CD200: variants seen among roughly 807,000 people sequenced by gnomAD.
CD200 encodes OX-2 membrane glycoprotein.
Under a neutral mutation model 30.9 loss-of-function variants are expected in CD200, and 15 were observed. That is an observed-to-expected ratio of 0.49 (90% confidence interval 0.32 to 0.75). The LOEUF is 0.75. CD200 is among the 30% of genes least tolerant of loss of function. The pLI is 0.03. For missense variants in CD200, 262 were observed against 324.2 expected (o/e 0.81, Z 1.47); for synonymous variants, 134 against 126.2 (o/e 1.06, Z -0.41).
intron 2 of CD200, among the ~76,000 whole-genome samples, chr3:112,342,766 T>C (rs1431527147): frequency 6.6e-6 from 1 of 152,272 alleles, no homozygotes; most frequent in Non-Finnish European, 1.5e-5. Context: ...TATGTTCTCA[T>C]TGTCATTCAG....
chr3:112,347,443 C>T, intron 3 of CD200, 115 bp from the exon 4 acceptor site: 1 of 1,080,410 alleles, frequency 9.3e-7, no homozygotes, highest in Non-Finnish European at 1.4e-6. Flanking sequence ...GCCATGCTAT[C>T]TTTCTAGCCT....
Position 112,340,995 on chromosome 3 carries a change from C to G in CD200, c.94+12C>G. On this transcript the variant is annotated intron_variant, in intron 2 of 5. Transcript: ENST00000315711. ...GTGCACAGCACAAGGTAAAGAAACT[C>G]AATTCCCCTGCTTGGAGCCCAGCAA... 1 of 1,573,896 alleles carries G rather than the reference C, an allele frequency of 6.4e-7. No individual in the cohort carries two copies. The highest frequency in any genetic ancestry group is 8.7e-7 in the Non-Finnish European group (1 of 1,144,066).
chr3:112,358,417 G>T (rs755551310), intron 5 of CD200, among the ~76,000 whole-genome samples: 2 of 152,086 alleles, frequency 1.3e-5, no homozygotes, highest in Non-Finnish European at 2.9e-5. Flanking sequence ...CTAAAAACGT[G>T]CGTATACTGA....
intron 1 of CD200, among the ~76,000 whole-genome samples, chr3:112,339,252 A>G (rs1046416792): frequency 2.0e-5 from 3 of 152,244 alleles, no homozygotes; most frequent in Non-Finnish European, 4.4e-5. Context: ...GAGAAGGAAT[A>G]CTAAGCAGAA....
At chr3:112,349,615 T>C in intron 4 of CD200, 97 bp from the exon 5 acceptor site, 1 of 834,294 alleles carries the variant, frequency 1.2e-6, no homozygotes, top group South Asian at 2.2e-5. Context: ...CATATGTATG[T>C]ATTTAAGGAT....
intron 2 of CD200, among the ~76,000 whole-genome samples, chr3:112,342,397 CTT>C (rs1174655239): frequency 1.9e-5 from 1 of 53,574 alleles, no homozygotes; most frequent in Non-Finnish European, 3.6e-5. Context: ...TTCTTTCTTT[CTT>C]TCTTTCTTTC....
intron 5 of CD200, among the ~76,000 whole-genome samples, chr3:112,356,438 T>C (rs2081624886): frequency 1.3e-5 from 2 of 152,222 alleles, no homozygotes; most frequent in Non-Finnish European, 2.9e-5. Context: ...GTGGAATGGC[T>C]AAATCAAGCT....
intron 2 of CD200, among the ~76,000 whole-genome samples, chr3:112,342,423 T>C (rs1395845908): frequency 3.2e-5 from 3 of 93,032 alleles, no homozygotes; most frequent in Admixed American, 1.2e-4. Flanking sequence ...CTTTCTTTCT[T>C]TCTTTCTTCT....
In CD200 at chr3:112,341,488, C is replaced by T. The variant is rs78316630; in HGVS notation, c.94+505C>T. On this transcript the variant is annotated intron_variant, in intron 2 of 5. Coordinates refer to ENST00000315711, the MANE Select transcript of CD200 (RefSeq NM_005944.7). ...TTATCTACCGAAGTTCCTAGCTCTTCCTCCTCAGTTCCTTGGGAGGCCACA... is the reference window on the plus strand; with the variant it reads ...TTATCTACCGAAGTTCCTAGCTCTTTCTCCTCAGTTCCTTGGGAGGCCACA... Among the ~76,000 whole-genome samples, 176 of 152,312 alleles carry T rather than the reference C, an allele frequency of 1.2e-3. 2 individuals are homozygous for T. The East Asian group carries it at 0.017, about 15-fold the overall frequency.
intron 1 of CD200, chr3:112,333,699 T>C (rs1320263291): frequency 3.0e-6 from 3 of 985,334 alleles, no homozygotes; most frequent in East Asian, 2.3e-4. Context: ...GCTCGCTTTC[T>C]CCGGGAGAGC....
chr3:112,332,922 ATG>A (rs2081028130), upstream of CD200: 1 of 511,790 alleles, frequency 2.0e-6, no homozygotes, highest in Admixed American at 3.7e-5. Context: ...AAAAAAAAAA[ATG>A]ATTTTTTTTT....
At chr3:112,337,162 T>A (rs1056883571) in intron 1 of CD200, among the ~76,000 whole-genome samples, 2 of 151,852 alleles carry the variant, frequency 1.3e-5, no homozygotes, top group Non-Finnish European at 2.9e-5. Context: ...AGCAGATGGG[T>A]GTGTTCAGAC....
chr3:112,349,971 A>C (rs961485630), intron 5 of CD200, 152 bp downstream of exon 5: 3 of 1,328,860 alleles, frequency 2.3e-6, no homozygotes, highest in African/African-American at 3.0e-5. Flanking sequence ...ACTGTTTTAA[A>C]ATGCGTCGGG....
At chr3:112,340,762 GT>G (rs1454143058) in intron 1 of CD200, 139 bp from the exon 2 acceptor site, 1 of 624,700 alleles carries the variant, frequency 1.6e-6, no homozygotes, top group Non-Finnish European at 2.9e-6. Context: ...ATAACCTCTA[GT>G]TCTGCTCCCA....
intron 5 of CD200, among the ~76,000 whole-genome samples, chr3:112,356,968 A>G (rs1176035637): frequency 1.3e-5 from 2 of 152,240 alleles, no homozygotes; most frequent in African/African-American, 4.8e-5. Flanking sequence ...AGTGCTTAGA[A>G]AAGTGCCTAA....
chr3:112,337,045 G>A (rs2081133498), intron 1 of CD200, among the ~76,000 whole-genome samples: 1 of 152,106 alleles, frequency 6.6e-6, no homozygotes, highest in South Asian at 2.1e-4. Context: ...GGAGTGGCGG[G>A]GGGTGAGGGG....
chr3:112,334,943 G>T (rs1445919862), intron 1 of CD200, among the ~76,000 whole-genome samples: 1 of 152,106 alleles, frequency 6.6e-6, no homozygotes, highest in Non-Finnish European at 1.5e-5. Context: ...TGTCCATTCT[G>T]CATTCTTCAT....
intron 5 of CD200, among the ~76,000 whole-genome samples, chr3:112,353,402 T>C (rs2081571482): frequency 6.6e-6 from 1 of 151,992 alleles, no homozygotes; most frequent in African/African-American, 2.4e-5. Context: ...CAAACTTCAC[T>C]TTTTTTTCAA....
At chr3:112,350,994 C>T (rs1189432444) in intron 5 of CD200, among the ~76,000 whole-genome samples, 1 of 152,130 alleles carries the variant, frequency 6.6e-6, no homozygotes, top group Non-Finnish European at 1.5e-5. Context: ...GAGAAGATTA[C>T]AAATCAGTTA....
Sources: gnomAD v4.1 joint callset for allele counts (sites outside exome capture counted in the v4.1 genomes callset) on GRCh38, gnomAD v4.1.1 for gene constraint, MANE v1.5 for transcripts, NCBI Gene and HGNC (gene_info 2026-07-23, HGNC 2026-07-21) for gene names.